MYT1L: variants seen among roughly 807,000 people sequenced by gnomAD.
The protein encoded by MYT1L is myelin transcription factor 1 like, also known as myelin transcription factor 1-like protein.
MYT1L carries 12 observed loss-of-function variants against 126.7 expected under a neutral mutation model. The ratio of observed to expected loss-of-function variants is 0.09; its 90% confidence interval spans 0.06 to 0.15. The LOEUF (loss-of-function observed/expected upper bound fraction) is 0.15, where lower values mean the gene tolerates loss of function less well. Among genes scored for constraint, MYT1L ranks in the 10% least tolerant of loss-of-function variants. MYT1L has a pLI of 1.00. For synonymous variants in MYT1L, 541 were observed against 604.2 expected, an observed-to-expected ratio of 0.90 and a Z score of 1.53; for missense variants, 979 against 1,585.2, an observed-to-expected ratio of 0.62 and a Z score of 6.49.
chr2:1,913,944 G>A (rs12328008), intron 11 of MYT1L, among the ~76,000 whole-genome samples: 15,707 of 152,086 alleles, frequency 0.1, 881 homozygotes, highest in East Asian at 0.24. Flanking sequence ...GTCTCTCGGC[G>A]TCAACAAGAG....
rs112780873 is a variant in MYT1L, at chr2:1,910,026, C to T, written c.1817+214G>A. ...AATTCTCTCATGTAAATTGTCACAG[C>T]GAATCCGCAGACACCAGGGGAAGAA... On this transcript the variant is annotated intron_variant, in intron 13 of 24. Transcript: ENST00000647738. The surrounding 1 kb of genome is among the most constrained non-coding windows in gnomAD (Gnocchi z 4.8). Among the ~76,000 whole-genome samples the T allele has an allele frequency of 1.3e-3, 201 of 152,318 alleles. No individual in the cohort carries two copies. The highest frequency in any genetic ancestry group is 4.8e-3 in the African/African-American group (198 of 41,566).
intron 18 of MYT1L, among the ~76,000 whole-genome samples, chr2:1,873,067 G>T (rs2046456750): frequency 1.3e-5 from 2 of 152,194 alleles, no homozygotes; most frequent in Non-Finnish European, 2.9e-5. Context: ...TTGCAGAGGG[G>T]CCATAGAAAT....
intron 5 of MYT1L, among the ~76,000 whole-genome samples, chr2:1,989,138 CGT>C (rs138139125): frequency 6.6e-6 from 1 of 151,186 alleles, no homozygotes; most frequent in Admixed American, 6.6e-5. Flanking sequence ...CTAAAAAGTG[CGT>C]GTGTGTGTGT....
chr2:2,130,479 C>G (rs1228291786), intron 3 of MYT1L, among the ~76,000 whole-genome samples: 1 of 152,094 alleles, frequency 6.6e-6, no homozygotes, highest in African/African-American at 2.4e-5. Context: ...TGTGTGTGCA[C>G]AAACACGTCT....
chr2:2,310,744 T>G (rs1305234235), intron 1 of MYT1L, among the ~76,000 whole-genome samples: 1 of 152,194 alleles, frequency 6.6e-6, no homozygotes, highest in Admixed American at 6.6e-5. Flanking sequence ...AATTATACAG[T>G]TATCTATAAA....
At position 1,910,921 on chromosome 2, in the gene MYT1L, C is replaced by T. The variant is rs2051875950; in HGVS notation, c.1710-574G>A. On this transcript the variant is annotated intron_variant, in intron 12 of 24. Transcript: ENST00000647738. The surrounding 1 kb of genome is among the most constrained non-coding windows in gnomAD (Gnocchi z 4.8). Reference sequence around the variant, plus strand: ...GTTTTGTGGAGCCAAATAGTTCAGGCTTAGTCTAGACGGAGGAGACAGCAG... The same window carrying T: ...GTTTTGTGGAGCCAAATAGTTCAGGTTTAGTCTAGACGGAGGAGACAGCAG... Among the ~76,000 whole-genome samples the T allele has an allele frequency of 1.3e-5, 2 of 152,184 alleles. No homozygotes were observed. Among genetic ancestry groups the T allele is most frequent in the Admixed American group, 1.3e-4 (2 of 15,274 alleles).
chr2:1,910,119 C>T lies in MYT1L; in HGVS notation c.1817+121G>A. 2.2e-6 allele frequency: 2 copies of T among 900,358 alleles called. No homozygotes were observed. Among genetic ancestry groups the T allele is most frequent in the Non-Finnish European group, 3.4e-6 (2 of 586,006 alleles). The allele number at this position is 900,358 out of a possible 1,614,324, so 55.8% of individuals were successfully genotyped here. ...CCTGGCCCCGGCTTCCAGCACAGCC[C>T]CGCCCTCCAGTCCCTGCCCCTGCTG... is the stretch of plus-strand genomic sequence containing the variant. On this transcript the variant is annotated intron_variant, in intron 13 of 24. Transcript: ENST00000647738. The surrounding 1 kb of genome is among the most constrained non-coding windows in gnomAD (Gnocchi z 4.8).
chr2:1,996,529 G>A (rs1227684377), intron 5 of MYT1L, among the ~76,000 whole-genome samples: 17 of 136,170 alleles, frequency 1.2e-4, no homozygotes, highest in South Asian at 7.3e-4. Context: ...AGTGAGGGCC[G>A]CCCTGCCTCA....
At chr2:1,964,333 A>G (rs1308203036) in intron 8 of MYT1L, among the ~76,000 whole-genome samples, 2 of 152,222 alleles carry the variant, frequency 1.3e-5, no homozygotes, top group South Asian at 2.1e-4. Flanking sequence ...AACAATAATG[A>G]AAAGGTTTGA....
chr2:2,125,981 T>C lies in MYT1L; in HGVS notation c.-304+46891A>G, dbSNP rs2081633797. On this transcript the variant is annotated intron_variant, in intron 3 of 24. Transcript: ENST00000647738. ...CACAGCATTTTCCTGTGGAGCACAC[T>C]GTTTCATTCTCATTATCACCCAGAT... Among the ~76,000 whole-genome samples, 2 of 152,232 alleles carry C rather than the reference T, an allele frequency of 1.3e-5. 1 individual carries two copies. The highest frequency in any genetic ancestry group is 4.1e-4 in the South Asian group (2 of 4,830).
chr2:1,911,900 C>T (rs1451090769), intron 12 of MYT1L, 120 bp downstream of exon 12: 1 of 664,784 alleles, frequency 1.5e-6, no homozygotes, highest in Non-Finnish European at 2.4e-6. Context: ...TATGGAGGTG[C>T]CCGCACTTGG....
In MYT1L at chr2:1,860,910, GC is replaced by G. The variant is rs1558786111; in HGVS notation, c.2712-9208del. Among the ~76,000 whole-genome samples the G allele has an allele frequency of 3.9e-5, 6 of 152,138 alleles. No homozygotes were observed. In the South Asian group the frequency reaches 1.2e-3, roughly 32 times the overall value. ...TCCAACACCAAGAACCCACTGGATT[GC>G]CTGTGAGACTAAGACGGAGGATCCA... On this transcript the variant is annotated intron_variant, in intron 18 of 24. Coordinates refer to ENST00000647738, the MANE Select transcript of MYT1L (RefSeq NM_001303052.2).
chr2:1,892,339 C>A, intron 14 of MYT1L, 52 bp from the exon 15 acceptor site: 2 of 1,524,994 alleles, frequency 1.3e-6, no homozygotes, highest in Non-Finnish European at 1.8e-6. Context: ...GGGCACACGG[C>A]AGACAGCACA....
At chr2:2,148,190 A>T (rs1313990880) in intron 3 of MYT1L, among the ~76,000 whole-genome samples, 2 of 152,228 alleles carry the variant, frequency 1.3e-5, no homozygotes, top group Admixed American at 6.5e-5. Flanking sequence ...TACTAAAGGC[A>T]TAAAGCAGTG....
chr2:2,254,710 AT>A (rs374014112), intron 2 of MYT1L, among the ~76,000 whole-genome samples: 2,440 of 152,092 alleles, frequency 0.016, 62 homozygotes, highest in African/African-American at 0.056. Flanking sequence ...CGAAATGTTC[AT>A]TTTTTTTCTA....
At chr2:2,297,349 G>A (rs2095710568) in intron 1 of MYT1L, among the ~76,000 whole-genome samples, 1 of 152,170 alleles carries the variant, frequency 6.6e-6, no homozygotes, top group Non-Finnish European at 1.5e-5. Context: ...GCATGACAGG[G>A]GACCGTGTGT....
rs1473055103 is a variant in MYT1L at position 1,890,281 on chromosome 2, CA to C, written c.2284-805del. Among the ~76,000 whole-genome samples, 4 of 152,202 alleles carry C rather than the reference CA, an allele frequency of 2.6e-5. No homozygotes were observed. In the East Asian group the frequency reaches 7.7e-4, roughly 29 times the overall value. On this transcript the variant is annotated intron_variant, in intron 15 of 24. Transcript: ENST00000647738. Reference sequence around the variant, plus strand: ...AGATGGGGTTTCACTATATGTTGGCCAGGCTGGTCTCAAACTCCTGACCTCA... The same window carrying C: ...AGATGGGGTTTCACTATATGTTGGCCGGCTGGTCTCAAACTCCTGACCTCA...
chr2:2,037,063 G>A (rs116474708), intron 4 of MYT1L, among the ~76,000 whole-genome samples: 5,075 of 152,220 alleles, frequency 0.033, 132 homozygotes, highest in Non-Finnish European at 0.05. Context: ...TAGTCCCCCC[G>A]CTTAGGGCTG....
intron 2 of MYT1L, among the ~76,000 whole-genome samples, chr2:2,175,030 C>A (rs533214229): frequency 6.6e-6 from 1 of 152,198 alleles, no homozygotes; most frequent in Admixed American, 6.5e-5. Flanking sequence ...TTGTGAGGCT[C>A]ACTCAGACCT....
Sources: allele counts gnomAD v4.1 joint callset (sites outside exome capture counted in the v4.1 genomes callset), GRCh38; gene constraint gnomAD v4.1.1; non-coding constraint Gnocchi (gnomAD v3.1); transcripts MANE v1.5; gene names NCBI Gene and HGNC (gene_info 2026-07-23, HGNC 2026-07-21).